Variants in SUPT3H observed in about 807,000 individuals in gnomAD.
SUPT3H encodes SPT3 homolog, SAGA and STAGA complex component.
Under a neutral mutation model 44.3 loss-of-function variants are expected in SUPT3H, and 44 were observed. The observed-to-expected ratio is 0.99, with a 90% CI of 0.78 to 1.28. SUPT3H has a LOEUF of 1.28. Among genes scored for constraint, SUPT3H ranks in the 50% most tolerant of loss-of-function variants. SUPT3H has a pLI of 0.00. For synonymous variants in SUPT3H, 124 were observed against 125.6 expected (o/e 0.99, Z 0.09); for missense variants, 380 against 387.1 (o/e 0.98, Z 0.15).
intron 2 of SUPT3H, among the ~76,000 whole-genome samples, chr6:45,282,150 G>A (rs962408040): frequency 4.6e-5 from 7 of 152,142 alleles, no homozygotes; most frequent in Non-Finnish European, 1.0e-4. Context: ...AAACAGAGCA[G>A]AAAAACTGGA....
At chr6:45,278,106 C>T (rs576265456) in intron 2 of SUPT3H, among the ~76,000 whole-genome samples, 2 of 145,204 alleles carry the variant, frequency 1.4e-5, no homozygotes, top group African/African-American at 5.2e-5. Flanking sequence ...GGGAACATAA[C>T]ACAATGGGGC....
chr6:45,187,620 A>G (rs970284149), intron 2 of SUPT3H, among the ~76,000 whole-genome samples: 14 of 152,194 alleles, frequency 9.2e-5, no homozygotes, highest in Admixed American at 1.3e-4. Context: ...TCCCAAACAC[A>G]TCAATTTTAT....
At chr6:45,042,195 G>A (rs1351861919) in intron 3 of SUPT3H, among the ~76,000 whole-genome samples, 4 of 152,144 alleles carry the variant, frequency 2.6e-5, no homozygotes, top group African/African-American at 7.2e-5. Context: ...GGCCGAGGCA[G>A]GCTGATCATC....
At chr6:45,020,720 T>TA (rs1785008850) in intron 3 of SUPT3H, 88 bp from the exon 4 acceptor site, 2 of 863,118 alleles carry the variant, frequency 2.3e-6, no homozygotes, top group South Asian at 4.0e-5. Flanking sequence ...ATAAATATAC[T>TA]AAGAGTTAAA....
intron 2 of SUPT3H, among the ~76,000 whole-genome samples, chr6:45,303,066 A>G (rs1782408513): frequency 6.6e-6 from 1 of 152,208 alleles, no homozygotes; most frequent in Non-Finnish European, 1.5e-5. Flanking sequence ...GGCAAGCCAC[A>G]TAAAGGAGAG....
At chr6:44,869,792 G>A (rs947782614) in intron 10 of SUPT3H, among the ~76,000 whole-genome samples, 50 of 152,152 alleles carry the variant, frequency 3.3e-4, no homozygotes, top group African/African-American at 1.2e-3. Context: ...GCTAAGAATA[G>A]CTATTCATTT....
intron 2 of SUPT3H, among the ~76,000 whole-genome samples, chr6:45,202,909 T>C (rs1306762791): frequency 2.0e-5 from 3 of 151,788 alleles, no homozygotes; most frequent in Admixed American, 2.0e-4. Context: ...CAAATGTATG[T>C]GTGTGTGTGT....
intron 2 of SUPT3H, among the ~76,000 whole-genome samples, chr6:45,181,058 T>C (rs1304082449): frequency 1.5e-4 from 23 of 151,720 alleles, no homozygotes; most frequent in Non-Finnish European, 2.8e-4. Context: ...GGGTGAAGGA[T>C]ATGAACAGAC....
At chr6:45,119,907 T>C (rs750085980) in intron 2 of SUPT3H, among the ~76,000 whole-genome samples, 44 of 152,248 alleles carry the variant, frequency 2.9e-4, no homozygotes, top group Non-Finnish European at 4.7e-4. Context: ...TGAAAATATA[T>C]ACAATTTAGA....
intron 3 of SUPT3H, among the ~76,000 whole-genome samples, chr6:45,040,462 C>T (rs1788358410): frequency 6.6e-6 from 1 of 152,146 alleles, no homozygotes; most frequent in Non-Finnish European, 1.5e-5. Context: ...AAAGTTTTGA[C>T]ACAACTGTAT....
At chr6:45,346,292 G>A (rs1790841926) in intron 2 of SUPT3H, among the ~76,000 whole-genome samples, 1 of 152,022 alleles carries the variant, frequency 6.6e-6, no homozygotes, top group South Asian at 2.1e-4. Context: ...TTGTTCATAG[G>A]AAATGCTATG....
Position 45,040,496 on chromosome 6 carries a change from G to A in SUPT3H, c.187-19864C>T, listed in dbSNP as rs190451999. ...ATGAAGTATTGTTAAGACAGCATTC[G>A]GAAATGTTGACAGTTAATTGCAAAT... is the stretch of plus-strand genomic sequence containing the variant. On this transcript the variant is annotated intron_variant, in intron 3 of 10. Transcript: ENST00000371459. Among the ~76,000 whole-genome samples, 134 of 152,218 alleles carry A rather than the reference G, an allele frequency of 8.8e-4. 1 individual carries two copies. The highest frequency in any genetic ancestry group is 4.8e-3 in the Admixed American group (74 of 15,274).
chr6:45,020,500 T>C (rs369419484), intron 4 of SUPT3H, 46 bp downstream of exon 4: 6 of 1,472,738 alleles, frequency 4.1e-6, no homozygotes, highest in Non-Finnish European at 5.6e-6. Flanking sequence ...GCAAGTTCAA[T>C]TAAACAAAAC....
At chr6:45,222,248 C>G (rs1055858652) in intron 2 of SUPT3H, among the ~76,000 whole-genome samples, 2 of 151,958 alleles carry the variant, frequency 1.3e-5, no homozygotes, top group Non-Finnish European at 2.9e-5. Flanking sequence ...TACATTGCAC[C>G]TCATCAAAAT....
At chr6:45,086,635 A>T (rs1796507870) in intron 3 of SUPT3H, among the ~76,000 whole-genome samples, 3 of 151,930 alleles carry the variant, frequency 2.0e-5, no homozygotes. Flanking sequence ...TCCCTCCAGC[A>T]ATTCTTCCAT....
In SUPT3H at chr6:45,087,495, C is replaced by A. The variant is rs561926791; in HGVS notation, c.186+18427G>T. Among the ~76,000 whole-genome samples, 25 of 151,704 alleles carry A rather than the reference C, an allele frequency of 1.6e-4. No homozygotes were observed. In the South Asian group the frequency reaches 3.1e-3, roughly 19 times the overall value. ...ACCAATATTTCAGATAAAGAGTTTTCTCTATAGACTTTTGAGGGTAAATGC... is the reference window on the plus strand; with the variant it reads ...ACCAATATTTCAGATAAAGAGTTTTATCTATAGACTTTTGAGGGTAAATGC... On this transcript the variant is annotated intron_variant, in intron 3 of 10. Coordinates refer to ENST00000371459, the MANE Select transcript of SUPT3H (RefSeq NM_003599.4).
chr6:45,050,278 A>AATGTGTGT (rs141128120), intron 3 of SUPT3H, among the ~76,000 whole-genome samples: 3 of 147,318 alleles, frequency 2.0e-5, no homozygotes, highest in African/African-American at 7.6e-5. Context: ...CTTTTTCTGC[A>AATGTGTGT]GTGTGTGTGT....
intron 7 of SUPT3H, among the ~76,000 whole-genome samples, chr6:44,961,051 T>G (rs1190463380): frequency 6.6e-6 from 1 of 152,218 alleles, no homozygotes; most frequent in Non-Finnish European, 1.5e-5. Context: ...ACTGGACTTT[T>G]CATCACACTT....
intron 2 of SUPT3H, among the ~76,000 whole-genome samples, chr6:45,342,078 G>C (rs1562985220): frequency 6.6e-6 from 1 of 152,080 alleles, no homozygotes; most frequent in Non-Finnish European, 1.5e-5. Context: ...GAAGAATTTG[G>C]CAGCAGTTAT....
Sources: allele counts gnomAD v4.1 joint callset (sites outside exome capture counted in the v4.1 genomes callset), GRCh38; gene constraint gnomAD v4.1.1; transcripts MANE v1.5; gene names NCBI Gene and HGNC (gene_info 2026-07-23, HGNC 2026-07-21).